The following BRD10 variants were observed in gnomAD, a reference collection of about 807,000 sequenced individuals.
BRD10 encodes the protein bromodomain containing 10.
chr9:5,931,182 T>C, the BRD10 span, among the ~76,000 whole-genome samples: 2 of 152,174 alleles, frequency 1.3e-5, no homozygotes. Flanking sequence ...CTGGGCAGTA[T>C]GACTGCTGCC....
the BRD10 span, among the ~76,000 whole-genome samples, chr9:5,884,202 G>A: frequency 6.6e-6 from 1 of 152,176 alleles, no homozygotes; most frequent in South Asian, 2.1e-4. Context: ...CAACAATACA[G>A]GTAATCCTCA....
chr9:5,944,376 T>C, the BRD10 span, among the ~76,000 whole-genome samples: 12 of 151,220 alleles, frequency 7.9e-5, no homozygotes, highest in Admixed American at 5.9e-4. Context: ...TTAGACGATA[T>C]AGTGAAAGTT....
At chr9:5,905,427 A>T in the BRD10 span, among the ~76,000 whole-genome samples, 5 of 152,212 alleles carry the variant, frequency 3.3e-5, no homozygotes, top group African/African-American at 1.2e-4. Flanking sequence ...TGACAGAATG[A>T]ACTCTTTGTG....
At chr9:5,906,553 G>A in the BRD10 span, among the ~76,000 whole-genome samples, 3 of 152,132 alleles carry the variant, frequency 2.0e-5, no homozygotes, top group African/African-American at 7.2e-5. Context: ...CACTATTGAT[G>A]GATAATTTCA....
the BRD10 span, chr9:6,007,068 C>A: frequency 6.3e-6 from 6 of 944,916 alleles, no homozygotes; most frequent in East Asian, 1.0e-4. Flanking sequence ...TCCTCCCGGG[C>A]TTCTCCAGCA....
the BRD10 span, chr9:5,944,861 C>A: frequency 7.0e-7 from 1 of 1,436,382 alleles, no homozygotes; most frequent in South Asian, 1.3e-5. Flanking sequence ...ACTTTTGGAT[C>A]AACACCTACC....
At chr9:5,994,331 C>G in the BRD10 span, among the ~76,000 whole-genome samples, 1 of 152,118 alleles carries the variant, frequency 6.6e-6, no homozygotes, top group African/African-American at 2.4e-5. Flanking sequence ...ATGTTTGCTG[C>G]TTGAGAAGCC....
the BRD10 span, among the ~76,000 whole-genome samples, chr9:5,970,282 A>G: frequency 6.6e-6 from 1 of 152,206 alleles, no homozygotes; most frequent in African/African-American, 2.4e-5. Flanking sequence ...AAAATTATTA[A>G]TATCATGCAT....
At chr9:5,977,671 T>C in the BRD10 span, among the ~76,000 whole-genome samples, 1 of 152,008 alleles carries the variant, frequency 6.6e-6, no homozygotes, top group Non-Finnish European at 1.5e-5. Context: ...CCGTCTCTAC[T>C]AAAAATACAA....
the BRD10 span, among the ~76,000 whole-genome samples, chr9:5,914,957 G>A: frequency 2.0e-5 from 3 of 151,782 alleles, no homozygotes; most frequent in Non-Finnish European, 4.4e-5. Flanking sequence ...AATAAATTTA[G>A]GTTTAATAAA....
the BRD10 span, chr9:5,968,450 C>A: frequency 1.2e-6 from 2 of 1,612,256 alleles, no homozygotes; most frequent in Non-Finnish European, 1.7e-6. Flanking sequence ...TTCCCCTGGA[C>A]TCCTTGGTTT....
chr9:5,940,911 A>G, the BRD10 span, among the ~76,000 whole-genome samples: 5 of 152,320 alleles, frequency 3.3e-5, no homozygotes, highest in African/African-American at 1.2e-4. Flanking sequence ...TTAATTATCA[A>G]TATTTATAAG....
the BRD10 span, among the ~76,000 whole-genome samples, chr9:5,929,522 C>T: frequency 2.6e-5 from 4 of 152,080 alleles, no homozygotes; most frequent in Admixed American, 2.6e-4. Context: ...AGTAAAGTTA[C>T]TGTAACTTTC....
the BRD10 span, among the ~76,000 whole-genome samples, chr9:5,906,400 G>A: frequency 6.6e-6 from 1 of 151,788 alleles, no homozygotes; most frequent in Non-Finnish European, 1.5e-5. Context: ...TTCCTTCTTG[G>A]ATGTTCTTCC....
At chr9:5,922,583 G>C in the BRD10 span, 7 of 1,613,996 alleles carry the variant, frequency 4.3e-6, no homozygotes, top group Non-Finnish European at 5.9e-6. Context: ...CTGTGGGAAA[G>C]ATGAACAATG....
chr9:5,889,191 C>T, the BRD10 span, among the ~76,000 whole-genome samples: 1 of 152,192 alleles, frequency 6.6e-6, no homozygotes, highest in Admixed American at 6.5e-5. Context: ...GCCCAATTGT[C>T]CATGACAGCA....
At chr9:5,927,911 C>A in the BRD10 span, among the ~76,000 whole-genome samples, 1 of 152,280 alleles carries the variant, frequency 6.6e-6, no homozygotes, top group Non-Finnish European at 1.5e-5. Context: ...AAGATGCTGA[C>A]AGCTCCCAAA....
At chr9:5,952,000 C>CTTATTTATTTAT in the BRD10 span, among the ~76,000 whole-genome samples, 2,592 of 127,982 alleles carry the variant, frequency 0.02, 44 homozygotes, top group Non-Finnish European at 0.031. Flanking sequence ...CAGGAAGAGA[C>CTTATTTATTTAT]TTATTTATTT....
the BRD10 span, among the ~76,000 whole-genome samples, chr9:6,005,020 C>T: frequency 6.6e-6 from 1 of 152,188 alleles, no homozygotes; most frequent in Non-Finnish European, 1.5e-5. Flanking sequence ...AATTTTACCT[C>T]TACTGGCCTA....
Sources: allele counts gnomAD v4.1 joint callset (sites outside exome capture counted in the v4.1 genomes callset), GRCh38; gene constraint gnomAD v4.1.1; transcripts MANE v1.5; gene names NCBI Gene and HGNC (gene_info 2026-07-23, HGNC 2026-07-21).